AGBL4: variants seen among roughly 807,000 people sequenced by gnomAD.
AGBL4 encodes cytosolic carboxypeptidase 6.
In AGBL4, 58 loss-of-function variants were observed where a neutral mutation model predicts 66.4. The observed-to-expected ratio is 0.87, with a 90% CI of 0.71 to 1.09. The LOEUF (loss-of-function observed/expected upper bound fraction) is 1.09, where lower values mean the gene tolerates loss of function less well. AGBL4 is among the 50% of genes least tolerant of loss of function. The pLI is 0.00. For missense variants in AGBL4, 579 were observed against 631.0 expected (o/e 0.92, Z 0.88); for synonymous variants, 234 against 222.9 (o/e 1.05, Z -0.44).
chr1:49,052,110 T>G (rs1415874444), intron 4 of AGBL4, among the ~76,000 whole-genome samples: 1 of 150,716 alleles, frequency 6.6e-6, no homozygotes, highest in Non-Finnish European at 1.5e-5. Flanking sequence ...CTGTGCCTTC[T>G]GGAGAAGGAC....
chr1:49,972,286 C>A (rs992252507), intron 1 of AGBL4, among the ~76,000 whole-genome samples: 5 of 152,014 alleles, frequency 3.3e-5, no homozygotes, highest in Admixed American at 2.0e-4. Flanking sequence ...GAACATTGTA[C>A]CCAATTGGCA....
chr1:49,342,495 G>T (rs1172459301), intron 3 of AGBL4, among the ~76,000 whole-genome samples: 3 of 152,118 alleles, frequency 2.0e-5, no homozygotes, highest in African/African-American at 4.8e-5. Context: ...TTCACTTTGT[G>T]ACCATGTGGG....
chr1:49,825,723 A>G (rs1645491699), intron 2 of AGBL4, among the ~76,000 whole-genome samples: 1 of 152,196 alleles, frequency 6.6e-6, no homozygotes, highest in South Asian at 2.1e-4. Context: ...AAATTCTGCC[A>G]GCAGATGGCC....
In AGBL4 at chr1:49,979,438, G is replaced by A. The variant is rs376317068; in HGVS notation, c.34+44325C>T. 6.3e-4 allele frequency among the ~76,000 whole-genome samples: 95 copies of A among 151,538 alleles called. 1 individual carries two copies. In the South Asian group the frequency reaches 9.6e-3, roughly 15 times the overall value. On this transcript the variant is annotated intron_variant, in intron 1 of 13. Transcript: ENST00000371839. Reference sequence around the variant, plus strand: ...ATTGCGCCACTGCAGTCCGCAGTCCGGCCTGGGCGACAGAGCGAGACTCCG... The same window carrying A: ...ATTGCGCCACTGCAGTCCGCAGTCCAGCCTGGGCGACAGAGCGAGACTCCG...
At chr1:49,111,395 A>C (rs1212869967) in intron 4 of AGBL4, among the ~76,000 whole-genome samples, 3 of 152,194 alleles carry the variant, frequency 2.0e-5, no homozygotes, top group East Asian at 1.9e-4. Context: ...TACAGGCATG[A>C]GCCACCGCAC....
intron 4 of AGBL4, among the ~76,000 whole-genome samples, chr1:49,087,404 C>T (rs1557629982): frequency 6.6e-6 from 1 of 152,128 alleles, no homozygotes; most frequent in African/African-American, 2.4e-5. Context: ...CTAAAGTGAA[C>T]TCATAAAGCT....
intron 4 of AGBL4, among the ~76,000 whole-genome samples, chr1:49,150,590 T>C (rs1277201635): frequency 6.6e-6 from 1 of 152,206 alleles, no homozygotes; most frequent in Non-Finnish European, 1.5e-5. Flanking sequence ...TATTTTTCAG[T>C]TCACTGAATT....
chr1:48,964,532 C>T (rs569622621), intron 5 of AGBL4, among the ~76,000 whole-genome samples: 1 of 152,232 alleles, frequency 6.6e-6, no homozygotes, highest in South Asian at 2.1e-4. Context: ...ATGTACCAGA[C>T]ATCAAGTACT....
intron 1 of AGBL4, among the ~76,000 whole-genome samples, chr1:49,919,250 G>T (rs900656227): frequency 6.6e-6 from 1 of 152,164 alleles, no homozygotes; most frequent in Non-Finnish European, 1.5e-5. Context: ...TCAGGCAGGA[G>T]AAAGAAATAA....
At chr1:49,943,718 AG>A (rs1394012902) in intron 1 of AGBL4, among the ~76,000 whole-genome samples, 4 of 142,244 alleles carry the variant, frequency 2.8e-5, no homozygotes, top group Non-Finnish European at 6.3e-5. Context: ...AAAAGGTCAC[AG>A]GGAAAAAAAA....
intron 5 of AGBL4, among the ~76,000 whole-genome samples, chr1:48,886,237 G>C (rs1181486228): frequency 6.6e-6 from 1 of 152,216 alleles, no homozygotes; most frequent in Non-Finnish European, 1.5e-5. Flanking sequence ...GTCTTTCTGA[G>C]TGGGGGTCCC....
At chr1:49,039,154 A>C (rs1664902560) in intron 5 of AGBL4, among the ~76,000 whole-genome samples, 1 of 152,160 alleles carries the variant, frequency 6.6e-6, no homozygotes, top group Non-Finnish European at 1.5e-5. Context: ...TGGGGACATT[A>C]AAAAGATCAG....
chr1:49,205,963 G>C (rs1648098258), intron 4 of AGBL4, among the ~76,000 whole-genome samples: 2 of 152,096 alleles, frequency 1.3e-5, no homozygotes, highest in South Asian at 4.1e-4. Flanking sequence ...TAGCCATGGA[G>C]CAAAGCTGCT....
intron 1 of AGBL4, among the ~76,000 whole-genome samples, chr1:49,883,509 C>A (rs1388398900): frequency 6.6e-6 from 1 of 152,060 alleles, no homozygotes; most frequent in Non-Finnish European, 1.5e-5. Context: ...TCAGAAGAGT[C>A]TAATCTCTTT....
chr1:49,085,966 G>A (rs963945511), intron 4 of AGBL4, among the ~76,000 whole-genome samples: 47 of 152,162 alleles, frequency 3.1e-4, no homozygotes, highest in African/African-American at 1.1e-3. Flanking sequence ...TGCAGTCATA[G>A]TAAGATTGGA....
At chr1:49,381,186 G>C (rs1644598323) in intron 3 of AGBL4, among the ~76,000 whole-genome samples, 2 of 151,974 alleles carry the variant, frequency 1.3e-5, no homozygotes, top group African/African-American at 4.8e-5. Flanking sequence ...GTGGGCAAAG[G>C]ATATGAACAG....
chr1:49,492,439 T>TTA (rs1647209448), intron 3 of AGBL4, among the ~76,000 whole-genome samples: 1 of 152,006 alleles, frequency 6.6e-6, no homozygotes, highest in Admixed American at 6.6e-5. Flanking sequence ...AAACCCCACT[T>TTA]GACTGTGGGT....
At chr1:49,938,547 G>A (rs1361859510) in intron 1 of AGBL4, among the ~76,000 whole-genome samples, 1 of 152,110 alleles carries the variant, frequency 6.6e-6, no homozygotes, top group Non-Finnish European at 1.5e-5. Flanking sequence ...AACCAAAAAA[G>A]AGAATTTTAA....
At chr1:49,251,225 C>T (rs1302385012) in intron 3 of AGBL4, among the ~76,000 whole-genome samples, 1 of 152,176 alleles carries the variant, frequency 6.6e-6, no homozygotes, top group Non-Finnish European at 1.5e-5. Flanking sequence ...TGGCCATGCA[C>T]CAGCTGCCCA....
Sources: gnomAD v4.1 joint callset for allele counts (sites outside exome capture counted in the v4.1 genomes callset) on GRCh38, gnomAD v4.1.1 for gene constraint, MANE v1.5 for transcripts, NCBI Gene and HGNC (gene_info 2026-07-23, HGNC 2026-07-21) for gene names.